Variants in RORA observed in about 807,000 individuals in gnomAD.
RORA encodes nuclear receptor ROR-alpha.
In RORA, 7 loss-of-function variants were observed where a neutral mutation model predicts 69.5. That is an observed-to-expected ratio of 0.10 (90% confidence interval 0.06 to 0.19). The LOEUF (loss-of-function observed/expected upper bound fraction) is 0.19. Among genes scored for constraint, RORA ranks in the 10% least tolerant of loss-of-function variants. The pLI, the probability that RORA is intolerant of heterozygous loss-of-function variation, is 1.00. For missense variants in RORA, 457 were observed against 663.0 expected (o/e 0.69, Z 3.41); for synonymous variants, 261 against 240.8 (o/e 1.08, Z -0.78).
At chr15:60,929,496 C>T (rs746593198) in intron 1 of RORA, among the ~76,000 whole-genome samples, 5 of 152,124 alleles carry the variant, frequency 3.3e-5, no homozygotes, top group East Asian at 3.8e-4. Flanking sequence ...CTGCAAAAGG[C>T]GAGAAGGAGA....
At chr15:60,939,104 C>T (rs975931965) in intron 1 of RORA, among the ~76,000 whole-genome samples, 6 of 152,228 alleles carry the variant, frequency 3.9e-5, no homozygotes, top group South Asian at 2.1e-4. Context: ...CCCTCGGCAT[C>T]GCAGCTCCTG....
At chr15:61,119,085 G>C (rs896247265) in intron 1 of RORA, among the ~76,000 whole-genome samples, 19 of 150,334 alleles carry the variant, frequency 1.3e-4, no homozygotes, top group Admixed American at 9.9e-4. Context: ...AACAGAAGGG[G>C]GGGGGGGGCG....
chr15:60,845,230 G>A (rs112203079), intron 1 of RORA, among the ~76,000 whole-genome samples: 61 of 152,262 alleles, frequency 4.0e-4, no homozygotes, highest in African/African-American at 1.3e-3. Flanking sequence ...CCATCACTAC[G>A]TCAACACAAA....
intron 1 of RORA, among the ~76,000 whole-genome samples, chr15:60,973,153 G>GA (rs1265588870): frequency 6.6e-6 from 1 of 152,104 alleles, no homozygotes; most frequent in Non-Finnish European, 1.5e-5. Context: ...TGGAGACGTT[G>GA]AAAAAAGAGG....
At chr15:61,054,036 C>T (rs1441667110) in intron 1 of RORA, among the ~76,000 whole-genome samples, 1 of 151,686 alleles carries the variant, frequency 6.6e-6, no homozygotes, top group African/African-American at 2.4e-5. Flanking sequence ...GACTACATTA[C>T]ATTTTTATCC....
intron 1 of RORA, among the ~76,000 whole-genome samples, chr15:60,704,790 T>C (rs1252223040): frequency 1.3e-5 from 2 of 152,152 alleles, no homozygotes; most frequent in South Asian, 4.2e-4. Context: ...TTCCAGACCA[T>C]GGTTACCTTT....
chr15:60,885,629 GA>G (rs2140452251), intron 1 of RORA, among the ~76,000 whole-genome samples: 1 of 152,298 alleles, frequency 6.6e-6, no homozygotes, highest in African/African-American at 2.4e-5. Context: ...TGTTGGCTTT[GA>G]ATCAAAAATA....
chr15:61,063,454 G>A (rs536425288), intron 1 of RORA, among the ~76,000 whole-genome samples: 252 of 152,324 alleles, frequency 1.7e-3, no homozygotes, highest in African/African-American at 5.9e-3. Flanking sequence ...ATCTAAATGT[G>A]AAAAGGAATT....
intron 1 of RORA, among the ~76,000 whole-genome samples, chr15:60,873,626 C>G (rs1385208306): frequency 6.6e-6 from 1 of 152,080 alleles, no homozygotes; most frequent in East Asian, 1.9e-4. Context: ...AATTAATTTG[C>G]TGCTAAGATA....
chr15:60,502,652 T>G (rs190785057), intron 8 of RORA, 108 bp downstream of exon 8: 1 of 771,008 alleles, frequency 1.3e-6, no homozygotes, highest in East Asian at 2.5e-5. Flanking sequence ...ACCCCTTAAT[T>G]TTTGTTTCTA....
intron 1 of RORA, among the ~76,000 whole-genome samples, chr15:60,901,937 C>T (rs1326062047): frequency 6.6e-6 from 1 of 152,186 alleles, no homozygotes; most frequent in Non-Finnish European, 1.5e-5. Flanking sequence ...GCTGTATTTT[C>T]CTCAACTATT....
At chr15:61,081,747 G>A (rs2078543983) in intron 1 of RORA, among the ~76,000 whole-genome samples, 1 of 150,664 alleles carries the variant, frequency 6.6e-6, no homozygotes, top group African/African-American at 2.4e-5. Context: ...GGCAGAGCTT[G>A]CAGTGAGCCG....
At chr15:60,944,262 A>G (rs1395633105) in intron 1 of RORA, among the ~76,000 whole-genome samples, 1 of 152,140 alleles carries the variant, frequency 6.6e-6, no homozygotes, top group Non-Finnish European at 1.5e-5. Context: ...CATCAGTATA[A>G]TTTAAAAGCC....
chr15:60,835,711 A>G (rs762328827), intron 1 of RORA, among the ~76,000 whole-genome samples: 51 of 151,720 alleles, frequency 3.4e-4, no homozygotes, highest in Non-Finnish European at 6.2e-4. Flanking sequence ...CCCTGTCCAA[A>G]CTCCTCAGTA....
intron 2 of RORA, among the ~76,000 whole-genome samples, chr15:60,574,980 CAGG>C (rs2067984658): frequency 6.6e-6 from 1 of 151,922 alleles, no homozygotes; most frequent in Non-Finnish European, 1.5e-5. Flanking sequence ...GAGTCAGGGG[CAGG>C]AGAAGAAGAG....
At chr15:60,800,586 C>T (rs1246224097) in intron 1 of RORA, among the ~76,000 whole-genome samples, 1 of 152,188 alleles carries the variant, frequency 6.6e-6, no homozygotes, top group East Asian at 1.9e-4. Context: ...ACCAGGCTAG[C>T]AGAGAGCAGT....
chr15:61,121,149 C>A (rs924241366), intron 1 of RORA, among the ~76,000 whole-genome samples: 1 of 152,126 alleles, frequency 6.6e-6, no homozygotes, highest in Non-Finnish European at 1.5e-5. Flanking sequence ...CATGCCCAGC[C>A]AATTAAGCCT....
chr15:60,915,853 A>G (rs74017856), intron 1 of RORA, among the ~76,000 whole-genome samples: 4,515 of 152,280 alleles, frequency 0.03, 221 homozygotes, highest in African/African-American at 0.1. Context: ...CTTCTTCTAT[A>G]AAATGGAGAT....
At chr15:61,221,037 A>G (rs988386330) in intron 1 of RORA, among the ~76,000 whole-genome samples, 1 of 152,078 alleles carries the variant, frequency 6.6e-6, no homozygotes, top group African/African-American at 2.4e-5. Flanking sequence ...AGTGAAACAC[A>G]CTTTAGCTTC....
Sources: allele counts gnomAD v4.1 joint callset (sites outside exome capture counted in the v4.1 genomes callset), GRCh38; gene constraint gnomAD v4.1.1; transcripts MANE v1.5; gene names NCBI Gene and HGNC (gene_info 2026-07-23, HGNC 2026-07-21).